The following CXADR variants were observed in gnomAD, a reference collection of about 807,000 sequenced individuals.
The protein encoded by CXADR is CXADR cell adhesion molecule.
A neutral mutation model predicts 40.3 loss-of-function variants in CXADR; 20 were observed. The observed-to-expected ratio is 0.50, with a 90% CI of 0.35 to 0.72. The LOEUF is 0.72. Among genes scored for constraint, CXADR ranks in the 30% least tolerant of loss-of-function variants. CXADR has a pLI of 0.01. For synonymous variants in CXADR, 150 were observed against 161.3 expected (o/e 0.93, Z 0.53); for missense variants, 332 against 449.1 (o/e 0.74, Z 2.36).
intron 3 of CXADR, among the ~76,000 whole-genome samples, chr21:17,558,541 G>A (rs1031173885): frequency 2.0e-5 from 3 of 152,170 alleles, no homozygotes; most frequent in Admixed American, 1.3e-4. Context: ...CTGCCTGATT[G>A]TCAGGGTTAT....
chr21:17,629,966 T>A, the CXADR span, among the ~76,000 whole-genome samples: 1 of 152,228 alleles, frequency 6.6e-6, no homozygotes, highest in Non-Finnish European at 1.5e-5. Flanking sequence ...TTTATGGCTA[T>A]CAAGCTATCT....
intron 1 of CXADR, among the ~76,000 whole-genome samples, chr21:17,545,576 A>AGGTG (rs1481150332): frequency 3.3e-5 from 5 of 151,412 alleles, no homozygotes; most frequent in Non-Finnish European, 5.9e-5. Context: ...ACAGGTGCAC[A>AGGTG]CCACCACACC....
At chr21:17,564,070 A>G (rs865837494) in intron 6 of CXADR, among the ~76,000 whole-genome samples, 2 of 152,052 alleles carry the variant, frequency 1.3e-5, no homozygotes, top group African/African-American at 4.8e-5. Flanking sequence ...TAATAAAAGC[A>G]AGGCACAATG....
At chr21:17,534,168 C>G (rs561243370) in intron 1 of CXADR, among the ~76,000 whole-genome samples, 1 of 127,230 alleles carries the variant, frequency 7.9e-6, no homozygotes, top group Non-Finnish European at 1.5e-5. Context: ...AGTGCAGTGG[C>G]GCGATCTTGG....
At chr21:17,609,472 T>C in the CXADR span, among the ~76,000 whole-genome samples, 6 of 152,346 alleles carry the variant, frequency 3.9e-5, no homozygotes, top group East Asian at 1.2e-3. Flanking sequence ...ACGACATAGA[T>C]GTTACTGTGT....
At position 17,568,935 on chromosome 21, in the gene CXADR, C is replaced by T. The variant is rs1173919883; in HGVS notation, c.*3243C>T. ...TTAGGGAGAGTTTGATTGAAAAAAT[C>T]CAAATCACTATCCATATAGATCATG... On this transcript the variant is annotated 3_prime_UTR_variant, in exon 7 of 7. Coordinates refer to ENST00000284878, the MANE Select transcript of CXADR (RefSeq NM_001338.5). The T allele has an allele frequency of 3.0e-6, 3 of 984,070 alleles. No homozygotes were observed. The highest frequency in any genetic ancestry group is 3.6e-6 in the Non-Finnish European group (3 of 828,972). 61.0% of individuals were successfully genotyped at this position (984,070 alleles called of 1,614,324 possible). A position where few individuals can be genotyped will look rare whatever the true frequency, so the allele number is the denominator to read the frequency against.
chr21:17,600,216 T>C, the CXADR span, among the ~76,000 whole-genome samples: 4 of 152,232 alleles, frequency 2.6e-5, no homozygotes, highest in East Asian at 1.9e-4. Context: ...TCAGTGGACA[T>C]AGGAGAAATC....
Position 17,569,456 on chromosome 21 carries a change from T to G in CXADR, c.*3764T>G. The G allele has an allele frequency of 2.0e-6, 2 of 985,222 alleles. No homozygotes were observed. The highest frequency in any genetic ancestry group is 2.4e-6 in the Non-Finnish European group (2 of 829,894). 61.0% of individuals were successfully genotyped at this position (985,222 alleles called of 1,614,324 possible). On this transcript the variant is annotated 3_prime_UTR_variant, in exon 7 of 7. Transcript: ENST00000284878. ...CAAGTTTTAATATTTTGAATGCCTT[T>G]GGATATTCCAGCAATAAAGGCATCA...
downstream of CXADR, among the ~76,000 whole-genome samples, chr21:17,596,884 C>T (rs2061511398): frequency 6.6e-6 from 1 of 151,788 alleles, no homozygotes; most frequent in African/African-American, 2.4e-5. Flanking sequence ...TCTTTATCCC[C>T]TCTCTTGGGA....
At chr21:17,545,225 G>A (rs2060881248) in intron 1 of CXADR, among the ~76,000 whole-genome samples, 1 of 151,648 alleles carries the variant, frequency 6.6e-6, no homozygotes, top group African/African-American at 2.4e-5. Flanking sequence ...GGTGACATAG[G>A]TCCAAATAGA....
chr21:17,538,220 CA>C (rs11317811), intron 1 of CXADR, among the ~76,000 whole-genome samples: 152,179 of 152,184 alleles, frequency 1, 76,087 homozygotes, highest in Middle Eastern at 1. Context: ...AGGATGGTCT[CA>C]GATCTCCTGA....
downstream of CXADR, among the ~76,000 whole-genome samples, chr21:17,597,285 GCTTAACAACAAATAAA>G (rs2061516425): frequency 1.3e-5 from 2 of 151,872 alleles, no homozygotes; most frequent in African/African-American, 4.8e-5. Flanking sequence ...TTACATTCTT[GCTTAACAACAAATAAA>G]ATTCTGAGGT....
chr21:17,516,565 A>G (rs537435068), intron 1 of CXADR, among the ~76,000 whole-genome samples: 8 of 152,318 alleles, frequency 5.3e-5, no homozygotes, highest in South Asian at 2.1e-4. Context: ...TCAATTGCCA[A>G]CATGAATGGA....
At chr21:17,560,094 T>C (rs188000234) in intron 4 of CXADR, among the ~76,000 whole-genome samples, 1 of 152,052 alleles carries the variant, frequency 6.6e-6, no homozygotes, top group African/African-American at 2.4e-5. Context: ...ACCCATGGTG[T>C]GTCTGTAAAT....
the CXADR span, among the ~76,000 whole-genome samples, chr21:17,611,007 C>T: frequency 6.6e-6 from 1 of 152,114 alleles, no homozygotes; most frequent in African/African-American, 2.4e-5. Flanking sequence ...CTCCCAGAAC[C>T]CTAGAATGAG....
At chr21:17,530,491 T>G (rs1360946755) in intron 1 of CXADR, 2 of 445,862 alleles carry the variant, frequency 4.5e-6, no homozygotes, top group Non-Finnish European at 9.0e-6. Context: ...GATGGACCCT[T>G]TTTCCCAGCT....
intron 1 of CXADR, among the ~76,000 whole-genome samples, chr21:17,536,216 A>G (rs961086101): frequency 1.3e-5 from 2 of 152,202 alleles, no homozygotes; most frequent in African/African-American, 4.8e-5. Context: ...TATCCACAAT[A>G]AAAGTTTTTC....
chr21:17,586,973 G>A (rs1456881689), intron 7 of CXADR, among the ~76,000 whole-genome samples: 1 of 152,046 alleles, frequency 6.6e-6, no homozygotes, highest in East Asian at 1.9e-4. Flanking sequence ...CCACCTATGA[G>A]TGAGAACATG....
chr21:17,622,951 A>T, the CXADR span, among the ~76,000 whole-genome samples: 2 of 152,314 alleles, frequency 1.3e-5, no homozygotes. Context: ...GGGGATCCTC[A>T]AGTATATAAT....
Sources: gnomAD v4.1 joint callset for allele counts (sites outside exome capture counted in the v4.1 genomes callset) on GRCh38, gnomAD v4.1.1 for gene constraint, MANE v1.5 for transcripts, NCBI Gene and HGNC (gene_info 2026-07-23, HGNC 2026-07-21) for gene names.